GPC6: variants seen among roughly 807,000 people sequenced by gnomAD.
The protein encoded by GPC6 is glypican-6.
A neutral mutation model predicts 55.2 loss-of-function variants in GPC6; 14 were observed. That is an observed-to-expected ratio of 0.25 (90% CI 0.17 to 0.40). The LOEUF (loss-of-function observed/expected upper bound fraction) is 0.40. Among genes scored for constraint, GPC6 ranks in the 10% least tolerant of loss-of-function variants. The pLI, the probability that GPC6 is intolerant of heterozygous loss-of-function variation, is 1.00. For missense variants in GPC6, 641 were observed against 708.5 expected (o/e 0.90, Z 1.08); for synonymous variants, 278 against 259.6 (o/e 1.07, Z -0.68).
chr13:93,565,078 G>T (rs1298260514), intron 2 of GPC6, among the ~76,000 whole-genome samples: 1 of 152,050 alleles, frequency 6.6e-6, no homozygotes, highest in African/African-American at 2.4e-5. Flanking sequence ...TAATTTGCCT[G>T]CAAGTCTCTG....
chr13:93,279,992 C>G (rs911717744), intron 1 of GPC6, among the ~76,000 whole-genome samples: 2 of 152,058 alleles, frequency 1.3e-5, no homozygotes, highest in Non-Finnish European at 2.9e-5. Flanking sequence ...CCTAGCCTGA[C>G]GAAAGAATTG....
chr13:94,083,776 A>G (rs1049126639), intron 4 of GPC6, among the ~76,000 whole-genome samples: 1 of 152,234 alleles, frequency 6.6e-6, no homozygotes, highest in Non-Finnish European at 1.5e-5. Flanking sequence ...AAGACAGGAT[A>G]TCCCTGCATT....
At chr13:93,713,890 G>A (rs1344977699) in intron 2 of GPC6, among the ~76,000 whole-genome samples, 8 of 151,296 alleles carry the variant, frequency 5.3e-5, no homozygotes, top group African/African-American at 1.9e-4. Flanking sequence ...TCATGCAGAA[G>A]AATGAAATTG....
intron 2 of GPC6, among the ~76,000 whole-genome samples, chr13:93,689,334 A>G (rs927249685): frequency 9.9e-5 from 15 of 152,136 alleles, no homozygotes; most frequent in African/African-American, 3.6e-4. Context: ...TTTTGTCTTC[A>G]GTGAACTTAA....
chr13:93,527,601 A>G (rs987572635), intron 1 of GPC6, among the ~76,000 whole-genome samples: 5 of 152,146 alleles, frequency 3.3e-5, no homozygotes, highest in African/African-American at 1.2e-4. Flanking sequence ...TATCATTTGA[A>G]GTGGTATCAT....
chr13:93,819,150 C>A, intron 2 of GPC6, among the ~76,000 whole-genome samples: 1 of 152,166 alleles, frequency 6.6e-6, no homozygotes, highest in East Asian at 1.9e-4. Context: ...AAAGTACACT[C>A]CATTTGACTG....
intron 1 of GPC6, among the ~76,000 whole-genome samples, chr13:93,513,366 G>A (rs1322256623): frequency 6.6e-6 from 1 of 151,996 alleles, no homozygotes; most frequent in Non-Finnish European, 1.5e-5. Context: ...TCTTTCAATT[G>A]TGTAATTGTA....
intron 2 of GPC6, among the ~76,000 whole-genome samples, chr13:93,695,250 C>G (rs1882410275): frequency 6.6e-6 from 1 of 151,998 alleles, no homozygotes; most frequent in Non-Finnish European, 1.5e-5. Flanking sequence ...TGTTTGCTAG[C>G]AGAATGAGAA....
At chr13:93,498,897 CA>C (rs372308906) in intron 1 of GPC6, among the ~76,000 whole-genome samples, 3 of 152,038 alleles carry the variant, frequency 2.0e-5, no homozygotes, top group African/African-American at 7.2e-5. Flanking sequence ...ATAGTTCTCC[CA>C]TGAATTGGAT....
At chr13:93,676,126 A>AAAAAT (rs1881602576) in intron 2 of GPC6, among the ~76,000 whole-genome samples, 1 of 15,688 alleles carries the variant, frequency 6.4e-5, no homozygotes, top group African/African-American at 1.2e-4. Flanking sequence ...AAAAAAAAAA[A>AAAAAT]ATATATATAT....
chr13:94,232,335 A>G (rs578148982), intron 4 of GPC6, among the ~76,000 whole-genome samples: 8 of 152,194 alleles, frequency 5.3e-5, no homozygotes, highest in Non-Finnish European at 1.0e-4. Flanking sequence ...CTGCAATGCC[A>G]TGGCACGTGC....
chr13:94,328,839 C>G (rs1877263621), intron 6 of GPC6, among the ~76,000 whole-genome samples: 1 of 152,192 alleles, frequency 6.6e-6, no homozygotes, highest in Non-Finnish European at 1.5e-5. Flanking sequence ...TGACCTTCGA[C>G]AGGTCACTGC....
chr13:94,056,956 A>G (rs1884153386), intron 4 of GPC6, among the ~76,000 whole-genome samples: 1 of 152,238 alleles, frequency 6.6e-6, no homozygotes, highest in Admixed American at 6.5e-5. Context: ...AAGGGTGCTT[A>G]TAGTTATCTT....
intron 2 of GPC6, among the ~76,000 whole-genome samples, chr13:93,569,488 G>A (rs1373155438): frequency 1.3e-5 from 2 of 151,398 alleles, no homozygotes; most frequent in Non-Finnish European, 2.9e-5. Context: ...TTGAACTTGA[G>A]AAAACATAGA....
At chr13:93,250,395 A>T (rs976664703) in intron 1 of GPC6, among the ~76,000 whole-genome samples, 4 of 152,086 alleles carry the variant, frequency 2.6e-5, no homozygotes, top group African/African-American at 9.6e-5. Context: ...ATACTTTGTG[A>T]TCTGCTCTTA....
At chr13:93,286,796 T>C (rs1878142188) in intron 1 of GPC6, among the ~76,000 whole-genome samples, 1 of 152,104 alleles carries the variant, frequency 6.6e-6, no homozygotes, top group African/African-American at 2.4e-5. Context: ...TCTGAATTTT[T>C]TGTCCCTCCT....
At chr13:94,314,180 T>A in intron 6 of GPC6, among the ~76,000 whole-genome samples, 1 of 152,170 alleles carries the variant, frequency 6.6e-6, no homozygotes, top group East Asian at 1.9e-4. Context: ...CAGTACATAG[T>A]ATAGAGGCTC....
intron 4 of GPC6, among the ~76,000 whole-genome samples, chr13:94,122,221 G>T (rs1886655058): frequency 1.3e-5 from 2 of 151,862 alleles, no homozygotes; most frequent in Admixed American, 1.3e-4. Context: ...CTGATTTTTT[G>T]GAAACTACTG....
chr13:93,577,561 C>T (rs915720850), intron 2 of GPC6, among the ~76,000 whole-genome samples: 7 of 151,912 alleles, frequency 4.6e-5, no homozygotes, highest in African/African-American at 1.7e-4. Context: ...ATTTTGTGTC[C>T]TGCAACTTTA....
Sources: gnomAD v4.1 joint callset for allele counts (sites outside exome capture counted in the v4.1 genomes callset) on GRCh38, gnomAD v4.1.1 for gene constraint, MANE v1.5 for transcripts, NCBI Gene and HGNC (gene_info 2026-07-23, HGNC 2026-07-21) for gene names.